The following NFU1 variants were observed in gnomAD, a reference collection of about 807,000 sequenced individuals.
NFU1 encodes NFU1 iron-sulfur cluster scaffold homolog, mitochondrial.
A neutral mutation model predicts 32.2 loss-of-function variants in NFU1; 30 were observed. The ratio of observed to expected loss-of-function variants is 0.93; its 90% CI spans 0.70 to 1.26. The LOEUF (loss-of-function observed/expected upper bound fraction) is 1.26, where lower values mean the gene tolerates loss of function less well. Among genes scored for constraint, NFU1 ranks in the 50% most tolerant of loss-of-function variants. NFU1 has a pLI of 0.00. For synonymous variants in NFU1, 112 were observed against 104.6 expected (o/e 1.07, Z -0.43); for missense variants, 306 against 306.6 (o/e 1.00, Z 0.02).
intron 6 of NFU1, among the ~76,000 whole-genome samples, chr2:69,402,306 A>G (rs921622974): frequency 2.6e-5 from 4 of 152,178 alleles, no homozygotes; most frequent in Admixed American, 2.6e-4. Flanking sequence ...AATATCTTCT[A>G]ATCTGTACCC....
chr2:69,423,243 AGTGTGTGT>A (rs772105664), intron 3 of NFU1, among the ~76,000 whole-genome samples: 886 of 88,010 alleles, frequency 0.01, 19 homozygotes, highest in African/African-American at 0.032. Flanking sequence ...TCTCTGTGTG[AGTGTGTGT>A]GTGTGTGTGT....
chr2:69,402,604 G>A (rs773575264), intron 6 of NFU1, among the ~76,000 whole-genome samples: 7 of 151,812 alleles, frequency 4.6e-5, no homozygotes, highest in East Asian at 3.9e-4. Flanking sequence ...TTTTTAAGAC[G>A]GAGTTTCGCT....
chr2:69,437,672 A>G (rs1165670213), upstream of NFU1: 2 of 599,932 alleles, frequency 3.3e-6, no homozygotes, highest in Non-Finnish European at 6.0e-6. Context: ...CTGTGAACGC[A>G]TGCGTGTTTC....
chr2:69,420,847 G>A (rs1326779144), intron 3 of NFU1, among the ~76,000 whole-genome samples: 1 of 152,128 alleles, frequency 6.6e-6, no homozygotes, highest in African/African-American at 2.4e-5. Context: ...AAAAAATAGT[G>A]AAAACTATCC....
intron 1 of NFU1, among the ~76,000 whole-genome samples, chr2:69,432,391 A>G (rs537297292): frequency 1.2e-3 from 179 of 152,298 alleles, no homozygotes; most frequent in African/African-American, 4.2e-3. Flanking sequence ...CCTGACCAAC[A>G]TGGAGAAACC....
intron 5 of NFU1, among the ~76,000 whole-genome samples, chr2:69,410,107 G>A (rs1006750850): frequency 4.6e-5 from 7 of 152,048 alleles, no homozygotes; most frequent in African/African-American, 1.7e-4. Flanking sequence ...ACAGATACAG[G>A]GTCGAGTGAG....
At chr2:69,425,992 A>C in intron 2 of NFU1, among the ~76,000 whole-genome samples, 1 of 152,112 alleles carries the variant, frequency 6.6e-6, no homozygotes. Context: ...TGTTTGTTTC[A>C]AGACAAGGAC....
At chr2:69,428,438 A>T (rs1347967559) in intron 2 of NFU1, among the ~76,000 whole-genome samples, 1 of 152,142 alleles carries the variant, frequency 6.6e-6, no homozygotes, top group East Asian at 1.9e-4. Context: ...AAAAAAAAAA[A>T]ATTATTCAGT....
At chr2:69,432,545 G>C (rs1250439239) in intron 1 of NFU1, among the ~76,000 whole-genome samples, 1 of 151,860 alleles carries the variant, frequency 6.6e-6, no homozygotes, top group Non-Finnish European at 1.5e-5. Context: ...TTGCACTCCA[G>C]CCTGGGCAAC....
At chr2:69,429,539 C>T (rs1289971332) in intron 2 of NFU1, among the ~76,000 whole-genome samples, 3 of 151,978 alleles carry the variant, frequency 2.0e-5, no homozygotes, top group Non-Finnish European at 4.4e-5. Context: ...TGGCTTTATT[C>T]TACTCAATCA....
chr2:69,433,342 C>T (rs1000150002), intron 1 of NFU1, among the ~76,000 whole-genome samples: 3 of 151,724 alleles, frequency 2.0e-5, no homozygotes, highest in African/African-American at 7.3e-5. Context: ...CCATGCCTGG[C>T]TAATTTTTGT....
chr2:69,419,862 T>C lies in NFU1; in HGVS notation c.303-258A>G, dbSNP rs545591634. ...ATCTTCATAGCAGCTTCATTTAAAA[T>C]AGCCACACATACAGAAAAATATGGA... is the stretch of plus-strand genomic sequence containing the variant. On this transcript the variant is annotated intron_variant, in intron 3 of 7. Coordinates refer to ENST00000410022, the MANE Select transcript of NFU1 (RefSeq NM_001002755.4). Among the ~76,000 whole-genome samples the C allele has an allele frequency of 9.2e-5, 14 of 152,312 alleles. No individual in the cohort carries two copies. The South Asian group carries it at 2.5e-3, about 27-fold the overall frequency.
intron 6 of NFU1, among the ~76,000 whole-genome samples, chr2:69,405,188 G>A (rs1672658163): frequency 6.6e-6 from 1 of 152,118 alleles, no homozygotes. Flanking sequence ...CGAGGCTGTA[G>A]TGAGCTGAGA....
chr2:69,423,791 T>A, intron 2 of NFU1, 74 bp from the exon 3 acceptor site: 1 of 1,098,306 alleles, frequency 9.1e-7, no homozygotes, highest in Non-Finnish European at 1.4e-6. Context: ...AAGTGCTCAT[T>A]TGCAGAGAAT....
chr2:69,400,210 A>T (rs1023512843), intron 7 of NFU1, 154 bp downstream of exon 7: 1 of 703,036 alleles, frequency 1.4e-6, no homozygotes, highest in Non-Finnish European at 2.5e-6. Context: ...CAAGTCTGAT[A>T]AAAATTGCAA....
At chr2:69,425,972 A>C (rs79495641) in intron 2 of NFU1, among the ~76,000 whole-genome samples, 1 of 152,094 alleles carries the variant, frequency 6.6e-6, no homozygotes, top group Non-Finnish European at 1.5e-5. Context: ...TATTTAAAAG[A>C]TATCTATTTT....
chr2:69,426,929 C>T (rs913361018), intron 2 of NFU1, among the ~76,000 whole-genome samples: 3 of 147,340 alleles, frequency 2.0e-5, no homozygotes, highest in South Asian at 4.3e-4. Context: ...ATTAGCCAGA[C>T]GTGGTGGTAT....
chr2:69,400,702 TA>T (rs1485142029), intron 6 of NFU1, among the ~76,000 whole-genome samples, 164 bp from the exon 7 acceptor site: 2 of 125,000 alleles, frequency 1.6e-5, no homozygotes, highest in South Asian at 2.5e-4. Flanking sequence ...TATTTAGAAT[TA>T]AATTTTTTTT....
chr2:69,406,003 TAG>T lies in NFU1; in HGVS notation c.545+17_545+18del. 6.6e-7 allele frequency: 1 copy of T among 1,526,692 alleles called. No individual in the cohort carries two copies. The highest frequency in any genetic ancestry group is 9.1e-7 in the Non-Finnish European group (1 of 1,101,710). 94.6% of individuals were successfully genotyped at this position (1,526,692 alleles called of 1,614,324 possible). ...TGCCTCCAAAGCACTTGAATTCAGG[TAG>T]AGAGAGGAGCACGTACCGTATTCTA... On this transcript the variant is annotated intron_variant, in intron 6 of 7. Transcript: ENST00000410022.
Sources: gnomAD v4.1 joint callset for allele counts (sites outside exome capture counted in the v4.1 genomes callset) on GRCh38, gnomAD v4.1.1 for gene constraint, MANE v1.5 for transcripts, NCBI Gene and HGNC (gene_info 2026-07-23, HGNC 2026-07-21) for gene names.